The following CYP3A5 variants were observed in gnomAD, a reference collection of about 807,000 sequenced individuals.
CYP3A5 encodes the protein cytochrome P450 3A5.
Under a neutral mutation model 55.9 loss-of-function variants are expected in CYP3A5, and 51 were observed. That is an observed-to-expected ratio of 0.91 (90% confidence interval 0.73 to 1.15). The LOEUF (loss-of-function observed/expected upper bound fraction) is 1.15. Among genes scored for constraint, CYP3A5 ranks in the 50% most tolerant of loss-of-function variants. The probability of loss-of-function intolerance (pLI) is 0.00; values close to 1 mark genes in which losing one functional copy is unlikely to be tolerated. For synonymous variants in CYP3A5, 196 were observed against 213.9 expected, an observed-to-expected ratio of 0.92 and a Z score of 0.73; for missense variants, 533 against 596.6, an observed-to-expected ratio of 0.89 and a Z score of 1.11.
At chr7:99,656,797 G>A (rs1388970014) in intron 10 of CYP3A5, among the ~76,000 whole-genome samples, 1 of 152,044 alleles carries the variant, frequency 6.6e-6, no homozygotes, top group Non-Finnish European at 1.5e-5. Context: ...ACTTCTTCCT[G>A]GTTTAGTCTT....
rs1810317555 is a variant in CYP3A5 at position 99,660,483 on chromosome 7, G to A, written c.1026+16C>T. On this transcript the variant is annotated intron_variant, in intron 10 of 12. Coordinates refer to ENST00000222982, the MANE Select transcript of CYP3A5 (RefSeq NM_000777.5). ...GCTTCACCTCTTCCCTTCATCTCCA[G>A]GGGTCATCCCCTCACCTTATTGGGC... is the stretch of plus-strand genomic sequence containing the variant. The A allele has an allele frequency of 6.3e-7, 1 of 1,595,456 alleles. No homozygotes were observed. The highest frequency in any genetic ancestry group is 8.5e-7 in the Non-Finnish European group (1 of 1,171,688).
At chr7:99,652,418 A>G (rs534191590) in intron 11 of CYP3A5, 135 bp downstream of exon 11, 2 of 628,144 alleles carry the variant, frequency 3.2e-6, no homozygotes, top group Admixed American at 3.4e-5. Context: ...TTTGATAATT[A>G]TCACTTTTTT....
At chr7:99,666,772 A>G in intron 5 of CYP3A5, 83 bp from the exon 6 acceptor site, 2 of 1,606,074 alleles carry the variant, frequency 1.2e-6, no homozygotes, top group African/African-American at 1.3e-5. Flanking sequence ...AGCATGGAGC[A>G]GTAAGTGACA....
At chr7:99,672,503 G>T in intron 4 of CYP3A5, 77 bp downstream of exon 4, 1 of 1,276,320 alleles carries the variant, frequency 7.8e-7, no homozygotes, top group Non-Finnish European at 1.1e-6. Context: ...AACCTTCTGT[G>T]AATATATGTT....
intron 2 of CYP3A5, among the ~76,000 whole-genome samples, chr7:99,675,767 C>A: frequency 7.0e-6 from 1 of 142,826 alleles, no homozygotes; most frequent in South Asian, 2.4e-4. Context: ...GATCACAGCT[C>A]AATACAGCCT....
chr7:99,663,702 G>C, intron 8 of CYP3A5: 1 of 1,068,256 alleles, frequency 9.4e-7, no homozygotes, highest in Non-Finnish European at 1.1e-6. Flanking sequence ...AAAGGGAAGA[G>C]AAGTGGTAAA....
chr7:99,653,440 G>A lies in CYP3A5; in HGVS notation c.1027-661C>T, dbSNP rs1289350824. On this transcript the variant is annotated intron_variant, in intron 10 of 12. Coordinates refer to ENST00000222982, the MANE Select transcript of CYP3A5 (RefSeq NM_000777.5). The surrounding 1 kb of genome is among the most constrained non-coding windows in gnomAD (Gnocchi z 4.2). ...CCCTCCAGCTTGGGTCGTAGAGTCAGACCCTGTCTCAAATAAATAAATAAA... is the reference window on the plus strand; with the variant it reads ...CCCTCCAGCTTGGGTCGTAGAGTCAAACCCTGTCTCAAATAAATAAATAAA... 3.8e-5 allele frequency among the ~76,000 whole-genome samples: 5 copies of A among 132,144 alleles called. No homozygotes were observed. Among genetic ancestry groups the A allele is most frequent in the Admixed American group, 3.3e-4 (4 of 12,276 alleles). 86.7% of individuals were successfully genotyped at this position (132,144 alleles called of 152,430 possible). A position where few individuals can be genotyped will look rare whatever the true frequency, so the allele number is the denominator to read the frequency against.
chr7:99,665,718 C>T (rs1212820102), intron 6 of CYP3A5, among the ~76,000 whole-genome samples: 2 of 152,228 alleles, frequency 1.3e-5, no homozygotes, highest in African/African-American at 4.8e-5. Flanking sequence ...CGTTGTCTGA[C>T]TACAGACTCT....
intron 3 of CYP3A5, 151 bp from the exon 4 acceptor site, chr7:99,672,830 G>A (rs1436139919): frequency 6.8e-7 from 1 of 1,463,954 alleles, no homozygotes; most frequent in Non-Finnish European, 9.0e-7. Context: ...GTTCATTAGG[G>A]TGTGACACAC....
intron 10 of CYP3A5, among the ~76,000 whole-genome samples, chr7:99,656,921 G>C (rs1417607644): frequency 6.6e-6 from 1 of 152,050 alleles, no homozygotes; most frequent in Non-Finnish European, 1.5e-5. Flanking sequence ...TGGGATGGGT[G>C]GTGATATCCC....
chr7:99,674,700 G>A, intron 2 of CYP3A5, 115 bp from the exon 3 acceptor site: 1 of 729,388 alleles, frequency 1.4e-6, no homozygotes, highest in Non-Finnish European at 2.3e-6. Context: ...ATCTTTCACT[G>A]GCAGTTGAAG....
chr7:99,655,240 T>C (rs1174467626), intron 10 of CYP3A5, among the ~76,000 whole-genome samples: 1 of 152,244 alleles, frequency 6.6e-6, no homozygotes, highest in African/African-American at 2.4e-5. Flanking sequence ...TAATCCATCT[T>C]GAATTAATTT....
At chr7:99,679,305 C>G (rs1050346289) in intron 1 of CYP3A5, among the ~76,000 whole-genome samples, 1 of 151,928 alleles carries the variant, frequency 6.6e-6, no homozygotes, top group African/African-American at 2.4e-5. Context: ...TCCCCTGGTG[C>G]GTTATGTAAA....
chr7:99,659,880 C>T (rs187886967), intron 10 of CYP3A5: 147 of 152,624 alleles, frequency 9.6e-4, no homozygotes, highest in East Asian at 2.5e-3. Flanking sequence ...GAGCCATGCG[C>T]GGGATATAAT....
At chr7:99,674,469 C>G (rs1812020558) in intron 3 of CYP3A5, 64 bp downstream of exon 3, 22 of 1,316,854 alleles carry the variant, frequency 1.7e-5, no homozygotes, top group South Asian at 2.5e-5. Context: ...CAGAGACTAT[C>G]CTGCAGTGGG....
At chr7:99,654,103 T>C (rs1157858090) in intron 10 of CYP3A5, among the ~76,000 whole-genome samples, 1 of 152,182 alleles carries the variant, frequency 6.6e-6, no homozygotes, top group Non-Finnish European at 1.5e-5. Context: ...TTTTATACTT[T>C]AAGTTTTAGG....
At chr7:99,666,849 A>G (rs1811072835) in intron 5 of CYP3A5, 103 bp downstream of exon 5, 1 of 1,582,570 alleles carries the variant, frequency 6.3e-7, no homozygotes, top group Non-Finnish European at 8.6e-7. Flanking sequence ...AGGAAGCTCG[A>G]ACTCAGTGGA....
chr7:99,676,393 C>A, intron 1 of CYP3A5, 185 bp from the exon 2 acceptor site: 2 of 1,515,986 alleles, frequency 1.3e-6, no homozygotes, highest in Admixed American at 3.6e-5. Context: ...ATTCTGAGAC[C>A]CCTGAAAAGT....
Position 99,672,670 on chromosome 7 carries a change from T to G in CYP3A5, c.228A>C (p.Glu76Asp). The change falls in exon 4 of 13, where the codon GAA becomes GAC. Residue 76 changes from glutamate to aspartate, a missense_variant. Glu to Asp is a conservative substitution (Grantham distance 45). Transcript: ENST00000222982. ...TGATGGCCAGCACAGGGAGTTGACC[T>G]TCATACGTTCTGTGTGGGGACAACG... Reference protein sequence around the residue: ...KKYGKMWGTYEGQLPVLAITD... With the variant: ...KKYGKMWGTYDGQLPVLAITD... The G allele has an allele frequency of 6.2e-7, 1 of 1,614,120 alleles. No homozygotes were observed. Among genetic ancestry groups the G allele is most frequent in the Non-Finnish European group, 8.5e-7 (1 of 1,179,970 alleles).
Sources: gnomAD v4.1 joint callset for allele counts (sites outside exome capture counted in the v4.1 genomes callset) on GRCh38, gnomAD v4.1.1 for gene constraint, Gnocchi (gnomAD v3.1) non-coding constraint, MANE v1.5 for transcripts, NCBI Gene and HGNC (gene_info 2026-07-23, HGNC 2026-07-21) for gene names.